The following UQCC1 variants were observed in gnomAD, a reference collection of about 807,000 sequenced individuals.
UQCC1 encodes bFGF-repressed Zic-binding protein.
UQCC1 carries 38 observed loss-of-function variants against 48.0 expected under a neutral mutation model. That is an observed-to-expected ratio of 0.79 (90% CI 0.61 to 1.04). The LOEUF (loss-of-function observed/expected upper bound fraction) is 1.04, where lower values mean the gene tolerates loss of function less well. Among genes scored for constraint, UQCC1 ranks in the 50% least tolerant of loss-of-function variants. The pLI is 0.00. For synonymous variants in UQCC1, 111 were observed against 129.2 expected (o/e 0.86, Z 0.95); for missense variants, 368 against 381.8 (o/e 0.96, Z 0.30).
At position 35,344,063 on chromosome 20, in the gene UQCC1, G is replaced by T. The variant is rs1187165166; in HGVS notation, c.573+3101C>A. 12 of 152,288 alleles carry T rather than the reference G, an allele frequency of 7.9e-5. No individual in the cohort carries two copies. In the East Asian group the frequency reaches 2.3e-3, roughly 29 times the overall value. 9.4% of individuals were successfully genotyped at this position (152,288 alleles called of 1,614,324 possible). On this transcript the variant is annotated intron_variant, in intron 7 of 9. Coordinates refer to ENST00000374385, the MANE Select transcript of UQCC1 (RefSeq NM_018244.5). ...CTTGGATCAGAGACTAATAAAGCAG[G>T]TATGATTTATCTAATAAATGTTAGC...
At chr20:35,393,351 T>A (rs1015873890) in intron 2 of UQCC1, among the ~76,000 whole-genome samples, 1 of 152,174 alleles carries the variant, frequency 6.6e-6, no homozygotes, top group Admixed American at 6.6e-5. Context: ...TCATTAAATT[T>A]TTAATTACAA....
chr20:35,378,491 G>C (rs1230490171), intron 4 of UQCC1, among the ~76,000 whole-genome samples: 2 of 152,136 alleles, frequency 1.3e-5, no homozygotes, highest in South Asian at 2.1e-4. Flanking sequence ...TTAGCTGGGC[G>C]TGGTGGCAGG....
chr20:35,307,831 A>G (rs2060945390), intron 8 of UQCC1, among the ~76,000 whole-genome samples: 1 of 152,232 alleles, frequency 6.6e-6, no homozygotes, highest in Non-Finnish European at 1.5e-5. Context: ...GCTTTGGCAG[A>G]CAGCGGGGAT....
intron 6 of UQCC1, among the ~76,000 whole-genome samples, chr20:35,362,169 C>T (rs746135601): frequency 3.9e-5 from 6 of 152,066 alleles, no homozygotes; most frequent in African/African-American, 9.7e-5. Flanking sequence ...AGTGGAGAGG[C>T]GGGGGAAGGG....
intron 1 of UQCC1, among the ~76,000 whole-genome samples, chr20:35,410,704 C>CAAAAAAAAAAAAAAAAAAAAAAAAAAA: frequency 0.015 from 40 of 2,710 alleles, 16 homozygotes; most frequent in East Asian, 0.036. Context: ...GACTCTGCCT[C>CAAAAAAAAAAAAAAAAAAAAAAAAAAA]AAAAAAAAAA....
intron 4 of UQCC1, 40 bp from the exon 5 acceptor site, chr20:35,374,296 A>G: frequency 2.0e-6 from 3 of 1,507,316 alleles, no homozygotes; most frequent in South Asian, 1.2e-5. Context: ...GACATGACCA[A>G]GTGGATGTTC....
At chr20:35,406,771 A>G (rs2062256649) in intron 1 of UQCC1, among the ~76,000 whole-genome samples, 1 of 152,254 alleles carries the variant, frequency 6.6e-6, no homozygotes, top group Admixed American at 6.5e-5. Flanking sequence ...AAGAAGAAAT[A>G]ATTATAAATC....
chr20:35,329,465 C>T (rs146205842), intron 7 of UQCC1, among the ~76,000 whole-genome samples: 137 of 152,284 alleles, frequency 9.0e-4, no homozygotes, highest in African/African-American at 3.2e-3. Flanking sequence ...AAAGAGAGGA[C>T]AATGAACATG....
intron 1 of UQCC1, among the ~76,000 whole-genome samples, chr20:35,405,794 G>A (rs538692481): frequency 3.3e-5 from 5 of 152,224 alleles, no homozygotes; most frequent in Admixed American, 1.3e-4. Flanking sequence ...AGGCTGAGGC[G>A]GGAGAATCGC....
intron 7 of UQCC1, among the ~76,000 whole-genome samples, chr20:35,331,931 A>G (rs1436695519): frequency 1.3e-5 from 2 of 152,242 alleles, no homozygotes; most frequent in Non-Finnish European, 2.9e-5. Context: ...GTGCTAAGCC[A>G]TATTGTTTAA....
intron 1 of UQCC1, among the ~76,000 whole-genome samples, chr20:35,401,094 A>T (rs901369346): frequency 2.6e-5 from 4 of 152,216 alleles, no homozygotes; most frequent in African/African-American, 9.6e-5. Flanking sequence ...TCTAAAGGAA[A>T]TGCCAGACTT....
chr20:35,357,800 A>AGACTCTGACCATATAACAAT (rs1220559877), intron 6 of UQCC1, among the ~76,000 whole-genome samples: 1 of 152,238 alleles, frequency 6.6e-6, no homozygotes, highest in African/African-American at 2.4e-5. Context: ...CACCTGTCAC[A>AGACTCTGACCATATAACAAT]GACTCTGACC....
intron 3 of UQCC1, among the ~76,000 whole-genome samples, chr20:35,383,665 C>T (rs1347494433): frequency 1.3e-5 from 2 of 152,016 alleles, no homozygotes; most frequent in African/African-American, 4.8e-5. Context: ...ACCTAGGTAA[C>T]AAAACGAGAC....
chr20:35,372,363 A>G (rs1212121469), intron 5 of UQCC1, among the ~76,000 whole-genome samples: 1 of 152,062 alleles, frequency 6.6e-6, no homozygotes, highest in East Asian at 1.9e-4. Flanking sequence ...TAGCTTCATC[A>G]GATAGAGAAA....
At chr20:35,329,676 A>G (rs2061235485) in intron 7 of UQCC1, among the ~76,000 whole-genome samples, 1 of 152,198 alleles carries the variant, frequency 6.6e-6, no homozygotes, top group Non-Finnish European at 1.5e-5. Flanking sequence ...CTGACCTCAG[A>G]GCCTCCAGAA....
chr20:35,363,941 C>T (rs2061636410), intron 6 of UQCC1, among the ~76,000 whole-genome samples: 1 of 152,158 alleles, frequency 6.6e-6, no homozygotes, highest in African/African-American at 2.4e-5. Context: ...ATCATTCCTC[C>T]TAACAGCCTG....
intron 1 of UQCC1, among the ~76,000 whole-genome samples, chr20:35,401,646 C>G (rs1462308022): frequency 6.9e-6 from 1 of 145,786 alleles, no homozygotes; most frequent in Non-Finnish European, 1.5e-5. Context: ...CAATTATAAA[C>G]ATGAAATCCA....
At chr20:35,410,716 A>AAAAAAAAAAACAAAAAC (rs1370852913) in intron 1 of UQCC1, among the ~76,000 whole-genome samples, 1 of 108,732 alleles carries the variant, frequency 9.2e-6, no homozygotes, top group East Asian at 3.0e-4. Context: ...AAAAAAAAAA[A>AAAAAAAAAAACAAAAAC]AAAAAAAACA....
chr20:35,410,491 C>T (rs185261919), intron 1 of UQCC1, among the ~76,000 whole-genome samples: 11 of 149,582 alleles, frequency 7.4e-5, no homozygotes, highest in South Asian at 2.1e-4. Context: ...GAGATCACAC[C>T]GCTGAACTCC....
Sources: gnomAD v4.1 joint callset for allele counts (sites outside exome capture counted in the v4.1 genomes callset) on GRCh38, gnomAD v4.1.1 for gene constraint, MANE v1.5 for transcripts, NCBI Gene and HGNC (gene_info 2026-07-23, HGNC 2026-07-21) for gene names.